PCSK2: variants seen among roughly 807,000 people sequenced by gnomAD.
The protein encoded by PCSK2 is neuroendocrine convertase 2.
A neutral mutation model predicts 69.7 loss-of-function variants in PCSK2; 14 were observed. The ratio of observed to expected loss-of-function variants is 0.20; its 90% CI spans 0.13 to 0.31. The LOEUF is 0.31. PCSK2 is among the 10% of genes least tolerant of loss of function. PCSK2 has a pLI of 1.00. For synonymous variants in PCSK2, 307 were observed against 320.7 expected (o/e 0.96, Z 0.46); for missense variants, 544 against 842.5 (o/e 0.65, Z 4.39).
intron 5 of PCSK2, among the ~76,000 whole-genome samples, chr20:17,407,418 C>T (rs2031776994): frequency 6.6e-6 from 1 of 152,022 alleles, no homozygotes; most frequent in Non-Finnish European, 1.5e-5. Context: ...GTTTCAATCT[C>T]AGCTTTGAAG....
chr20:17,301,672 C>A (rs11696391), intron 2 of PCSK2, among the ~76,000 whole-genome samples: 1 of 151,976 alleles, frequency 6.6e-6, no homozygotes, highest in Admixed American at 6.5e-5. Context: ...GTGGCTCACG[C>A]CTGTAATCCC....
Position 17,374,148 on chromosome 20 carries a change from A to G in PCSK2, c.543+4871A>G, listed in dbSNP as rs534115765. ...ACAATGGCTGTGGATTGAACCTGCT[A>G]TGTGCAAGCCCCAGAGGAAGAGAGA... On this transcript the variant is annotated intron_variant, in intron 5 of 11. Coordinates refer to ENST00000262545, the MANE Select transcript of PCSK2 (RefSeq NM_002594.5). Among the ~76,000 whole-genome samples, 4 of 152,334 alleles carry G rather than the reference A, an allele frequency of 2.6e-5. No homozygotes were observed. In the East Asian group the frequency reaches 5.8e-4, roughly 22 times the overall value.
At chr20:17,424,333 G>A (rs929667009) in intron 6 of PCSK2, among the ~76,000 whole-genome samples, 1 of 152,132 alleles carries the variant, frequency 6.6e-6, no homozygotes, top group Non-Finnish European at 1.5e-5. Context: ...AGAGTGACAT[G>A]TATGCTTATG....
chr20:17,406,587 G>T (rs2031755922), intron 5 of PCSK2, among the ~76,000 whole-genome samples: 1 of 152,106 alleles, frequency 6.6e-6, no homozygotes, highest in Non-Finnish European at 1.5e-5. Flanking sequence ...AACTCTCCAG[G>T]TCCTGCTTCC....
At chr20:17,248,619 T>C (rs1986854971) in intron 1 of PCSK2, among the ~76,000 whole-genome samples, 1 of 152,218 alleles carries the variant, frequency 6.6e-6, no homozygotes, top group South Asian at 2.1e-4. Context: ...TCATGATCAG[T>C]CAATTTACCT....
chr20:17,477,338 T>TTTAC (rs2033309790), intron 11 of PCSK2, among the ~76,000 whole-genome samples: 1 of 151,736 alleles, frequency 6.6e-6, no homozygotes, highest in African/African-American at 2.4e-5. Context: ...ATTTTATTTA[T>TTTAC]TTATTTATTT....
At chr20:17,307,483 A>G (rs1221514869) in intron 2 of PCSK2, among the ~76,000 whole-genome samples, 1 of 152,222 alleles carries the variant, frequency 6.6e-6, no homozygotes, top group Non-Finnish European at 1.5e-5. Flanking sequence ...GTGGCAGAAG[A>G]GAAGCAGCCT....
At chr20:17,300,464 G>A (rs1197449617) in intron 2 of PCSK2, among the ~76,000 whole-genome samples, 1 of 152,230 alleles carries the variant, frequency 6.6e-6, no homozygotes, top group Non-Finnish European at 1.5e-5. Flanking sequence ...TGGAAGAAAT[G>A]CTAGCTAACT....
intron 2 of PCSK2, among the ~76,000 whole-genome samples, chr20:17,344,895 G>A (rs1246412355): frequency 6.6e-6 from 1 of 151,912 alleles, no homozygotes. Context: ...TCCCTGACTT[G>A]CAGGAAACTG....
intron 2 of PCSK2, among the ~76,000 whole-genome samples, chr20:17,286,222 G>GA (rs1363684596): frequency 6.6e-6 from 1 of 152,108 alleles, no homozygotes; most frequent in Non-Finnish European, 1.5e-5. Context: ...AGCAATAAAG[G>GA]AAGACCTTAC....
intron 2 of PCSK2, among the ~76,000 whole-genome samples, chr20:17,352,666 AC>A (rs2030032386): frequency 6.6e-6 from 1 of 152,232 alleles, no homozygotes; most frequent in South Asian, 2.1e-4. Context: ...ATAAAACTGC[AC>A]CCCTTTCTTT....
intron 1 of PCSK2, among the ~76,000 whole-genome samples, chr20:17,228,779 G>T (rs1233618427): frequency 6.6e-6 from 1 of 152,202 alleles, no homozygotes; most frequent in African/African-American, 2.4e-5. Context: ...AAGGGCGTAG[G>T]CAGTACCGGA....
intron 11 of PCSK2, among the ~76,000 whole-genome samples, chr20:17,480,184 CTTT>C (rs1164266992): frequency 0.023 from 1,748 of 76,902 alleles, 13 homozygotes; most frequent in East Asian, 0.12. Context: ...TTCAGCTTTT[CTTT>C]TTTTTTTTTT....
chr20:17,434,526 T>C (rs1412581579), intron 7 of PCSK2, among the ~76,000 whole-genome samples: 1 of 152,190 alleles, frequency 6.6e-6, no homozygotes, highest in South Asian at 2.1e-4. Flanking sequence ...CACCCTATAA[T>C]GTTAAAACAG....
At chr20:17,431,500 A>G (rs762050848) in intron 7 of PCSK2, among the ~76,000 whole-genome samples, 2 of 152,226 alleles carry the variant, frequency 1.3e-5, no homozygotes, top group Non-Finnish European at 2.9e-5. Context: ...GTGAAGCCCA[A>G]TGACAGCTAG....
At chr20:17,242,132 C>T (rs1481905198) in intron 1 of PCSK2, among the ~76,000 whole-genome samples, 4 of 152,200 alleles carry the variant, frequency 2.6e-5, no homozygotes. Flanking sequence ...ACAACACAAG[C>T]TGCTTCATAC....
In PCSK2 at chr20:17,441,197, C is replaced by T. The variant is rs569849012; in HGVS notation, c.885+4314C>T. Among the ~76,000 whole-genome samples, 36 of 152,310 alleles carry T rather than the reference C, an allele frequency of 2.4e-4. No individual in the cohort carries two copies. In the South Asian group the frequency reaches 7.5e-3, roughly 32 times the overall value. On this transcript the variant is annotated intron_variant, in intron 8 of 11. Coordinates refer to ENST00000262545, the MANE Select transcript of PCSK2 (RefSeq NM_002594.5). ...CAGCCTCTGCTCCAGCTGCCACCTG[C>T]CCTTGATGCTTTCAGGGAAATTTTG...
intron 2 of PCSK2, among the ~76,000 whole-genome samples, chr20:17,262,512 G>C (rs1359660995): frequency 6.6e-6 from 1 of 151,388 alleles, no homozygotes; most frequent in Non-Finnish European, 1.5e-5. Context: ...CAAAATATTA[G>C]ATTAAGGTCT....
chr20:17,467,453 C>G (rs1447994954), intron 11 of PCSK2, among the ~76,000 whole-genome samples: 1 of 152,204 alleles, frequency 6.6e-6, no homozygotes, highest in African/African-American at 2.4e-5. Context: ...ACAATAATTT[C>G]AGAGCAGCAG....
Sources: gnomAD v4.1 joint callset for allele counts (sites outside exome capture counted in the v4.1 genomes callset) on GRCh38, gnomAD v4.1.1 for gene constraint, MANE v1.5 for transcripts, NCBI Gene and HGNC (gene_info 2026-07-23, HGNC 2026-07-21) for gene names.